CNTN6: variants seen among roughly 807,000 people sequenced by gnomAD.
CNTN6 encodes the protein contactin-6.
A neutral mutation model predicts 122.8 loss-of-function variants in CNTN6; 137 were observed. The observed-to-expected ratio is 1.12, with a 90% confidence interval of 0.97 to 1.29. The LOEUF (loss-of-function observed/expected upper bound fraction) is 1.29. Among genes scored for constraint, CNTN6 ranks in the 50% most tolerant of loss-of-function variants. CNTN6 has a pLI of 0.00. For missense variants in CNTN6, 1,634 were observed against 1,223.4 expected, an observed-to-expected ratio of 1.34 and a Z score of -5.01; for synonymous variants, 570 against 426.0, an observed-to-expected ratio of 1.34 and a Z score of -4.16.
At chr3:1,311,797 A>C (rs1699367445) in intron 7 of CNTN6, among the ~76,000 whole-genome samples, 1 of 151,810 alleles carries the variant, frequency 6.6e-6, no homozygotes, top group Non-Finnish European at 1.5e-5. Context: ...AAATTTTTTT[A>C]ATTCTTAAAA....
At chr3:1,247,198 A>T (rs1251334231) in intron 4 of CNTN6, among the ~76,000 whole-genome samples, 1 of 151,948 alleles carries the variant, frequency 6.6e-6, no homozygotes, top group African/African-American at 2.4e-5. Context: ...TCATGGTGTA[A>T]AATTGGTTCA....
At chr3:1,322,144 C>T (rs1333046861) in intron 8 of CNTN6, among the ~76,000 whole-genome samples, 6 of 151,516 alleles carry the variant, frequency 4.0e-5, no homozygotes, top group South Asian at 2.1e-4. Context: ...TCCCATTAAA[C>T]GTTCTGCAGC....
intron 2 of CNTN6, among the ~76,000 whole-genome samples, chr3:1,174,715 G>T (rs1219517753): frequency 6.6e-6 from 1 of 152,078 alleles, no homozygotes; most frequent in Non-Finnish European, 1.5e-5. Context: ...TCACTTCTGT[G>T]TCCCTTAAAT....
At chr3:1,171,156 T>C (rs1217260183) in intron 2 of CNTN6, among the ~76,000 whole-genome samples, 1 of 152,172 alleles carries the variant, frequency 6.6e-6, no homozygotes, top group East Asian at 1.9e-4. Context: ...TGGGCTTAAA[T>C]GTCTACTTCT....
chr3:1,114,524 A>T (rs2091626820), intron 1 of CNTN6, among the ~76,000 whole-genome samples: 1 of 152,202 alleles, frequency 6.6e-6, no homozygotes, highest in Non-Finnish European at 1.5e-5. Context: ...AAATTTAAGA[A>T]ATGACACATT....
chr3:1,133,688 T>C (rs915397848), intron 1 of CNTN6, among the ~76,000 whole-genome samples: 7 of 152,194 alleles, frequency 4.6e-5, no homozygotes, highest in Non-Finnish European at 7.4e-5. Context: ...ACAAAGTCAA[T>C]GCTGTCTTGG....
chr3:1,261,612 A>C (rs1420091656), intron 4 of CNTN6, among the ~76,000 whole-genome samples: 5 of 152,096 alleles, frequency 3.3e-5, no homozygotes, highest in African/African-American at 1.2e-4. Flanking sequence ...GAGCAACCCA[A>C]ATGGAGGCAG....
At chr3:1,372,223 G>A (rs1206654743) in intron 12 of CNTN6, 76 bp from the exon 13 acceptor site, 15 of 1,124,174 alleles carry the variant, frequency 1.3e-5, no homozygotes, top group Non-Finnish European at 1.9e-5. Flanking sequence ...GAATGATAAA[G>A]TATTCAGAAA....
intron 1 of CNTN6, among the ~76,000 whole-genome samples, chr3:1,137,754 T>C (rs2092515375): frequency 6.6e-6 from 1 of 152,182 alleles, no homozygotes; most frequent in Non-Finnish European, 1.5e-5. Context: ...TTACTTCTTC[T>C]AAAGTCACAA....
At chr3:1,367,326 C>T (rs1386589064) in intron 12 of CNTN6, among the ~76,000 whole-genome samples, 1 of 151,906 alleles carries the variant, frequency 6.6e-6, no homozygotes, top group Non-Finnish European at 1.5e-5. Flanking sequence ...CCACCAGCCT[C>T]TGATAACCAC....
At chr3:1,352,551 A>G (rs1260602886) in intron 12 of CNTN6, 100 bp downstream of exon 12, 3 of 1,392,538 alleles carry the variant, frequency 2.2e-6, no homozygotes, top group African/African-American at 2.9e-5. Context: ...TTGTGTATGT[A>G]AAATTGTTGA....
intron 2 of CNTN6, among the ~76,000 whole-genome samples, chr3:1,218,345 A>T (rs2094156894): frequency 6.6e-6 from 1 of 152,080 alleles, no homozygotes; most frequent in South Asian, 2.1e-4. Flanking sequence ...GATCTGAAAG[A>T]TGTGAGAAAG....
intron 2 of CNTN6, among the ~76,000 whole-genome samples, chr3:1,182,634 G>A (rs1276048948): frequency 6.6e-6 from 1 of 151,236 alleles, no homozygotes; most frequent in Non-Finnish European, 1.5e-5. Context: ...CTTCAGAAAT[G>A]TAACTCATAT....
intron 1 of CNTN6, among the ~76,000 whole-genome samples, chr3:1,142,955 TGTG>T (rs1282439185): frequency 2.0e-5 from 2 of 101,546 alleles, no homozygotes; most frequent in African/African-American, 8.2e-5. Flanking sequence ...CATATAAATT[TGTG>T]TGTGTGTGTG....
chr3:1,335,397 A>ATT (rs1702905926), intron 11 of CNTN6, among the ~76,000 whole-genome samples: 1 of 152,188 alleles, frequency 6.6e-6, no homozygotes, highest in Admixed American at 6.5e-5. Flanking sequence ...TTCTCAGGCA[A>ATT]CTGAGGGAAT....
chr3:1,119,329 G>GTGTGTGTGTGTGTGTGTGTGTGTGTGTC (rs1225553234), intron 1 of CNTN6, among the ~76,000 whole-genome samples: 2 of 150,370 alleles, frequency 1.3e-5, no homozygotes, highest in Non-Finnish European at 3.0e-5. Flanking sequence ...AATCGTGTGT[G>GTGTGTGTGTGTGTGTGTGTGTGTGTGTC]TGTGTGTGTG....
chr3:1,322,103 A>G (rs1700944997), intron 8 of CNTN6, among the ~76,000 whole-genome samples: 1 of 151,758 alleles, frequency 6.6e-6, no homozygotes, highest in African/African-American at 2.4e-5. Flanking sequence ...ATAAAAGTTT[A>G]TAATAAAAGG....
chr3:1,332,783 G>C (rs1442925872), intron 11 of CNTN6, among the ~76,000 whole-genome samples: 1 of 152,046 alleles, frequency 6.6e-6, no homozygotes, highest in East Asian at 1.9e-4. Context: ...CTTCAAGCCT[G>C]TTCAGGCCCA....
intron 12 of CNTN6, among the ~76,000 whole-genome samples, chr3:1,362,936 T>C (rs1707684073): frequency 6.6e-6 from 1 of 151,430 alleles, no homozygotes; most frequent in African/African-American, 2.4e-5. Context: ...GCAGTTGATA[T>C]AACAAAGAAA....
Sources: allele counts gnomAD v4.1 joint callset (sites outside exome capture counted in the v4.1 genomes callset), GRCh38; gene constraint gnomAD v4.1.1; transcripts MANE v1.5; gene names NCBI Gene and HGNC (gene_info 2026-07-23, HGNC 2026-07-21).